CUX2: variants seen among roughly 807,000 people sequenced by gnomAD.
CUX2 encodes homeobox protein cut-like 2.
A neutral mutation model predicts 144.8 loss-of-function variants in CUX2; 40 were observed. The ratio of observed to expected loss-of-function variants is 0.28; its 90% confidence interval spans 0.21 to 0.36. The LOEUF is 0.36. Among genes scored for constraint, CUX2 ranks in the 10% least tolerant of loss-of-function variants. CUX2 has a pLI of 1.00. For synonymous variants in CUX2, 827 were observed against 875.6 expected (o/e 0.94, Z 0.98); for missense variants, 1,615 against 1,994.0 (o/e 0.81, Z 3.62).
intron 1 of CUX2, among the ~76,000 whole-genome samples, chr12:111,163,965 T>TTG (rs1877955723): frequency 6.6e-6 from 1 of 152,170 alleles, no homozygotes; most frequent in Non-Finnish European, 1.5e-5. Context: ...GCAGGTGACT[T>TTG]TGTCTCCATG....
chr12:111,219,278 A>G (rs1023481037), intron 3 of CUX2, among the ~76,000 whole-genome samples: 2 of 151,842 alleles, frequency 1.3e-5, no homozygotes, highest in African/African-American at 4.8e-5. Context: ...GCCATCCAGT[A>G]TTGGTTCATT....
intron 4 of CUX2, among the ~76,000 whole-genome samples, chr12:111,271,478 G>A (rs1160461053): frequency 6.6e-6 from 1 of 152,092 alleles, no homozygotes. Flanking sequence ...CATTGTACAA[G>A]CCTAACAATC....
intron 3 of CUX2, among the ~76,000 whole-genome samples, chr12:111,237,837 C>G (rs58547660): frequency 0.014 from 2,144 of 152,284 alleles, 45 homozygotes; most frequent in African/African-American, 0.048. Flanking sequence ...CTGCTCTTCC[C>G]CTGCCCCCGT....
At chr12:111,103,702 C>G (rs1156977832) in intron 1 of CUX2, among the ~76,000 whole-genome samples, 1 of 152,210 alleles carries the variant, frequency 6.6e-6, no homozygotes, top group Non-Finnish European at 1.5e-5. Flanking sequence ...CTGAGAGAAA[C>G]TTATCTGGAG....
At chr12:111,182,215 C>T (rs540009597) in intron 1 of CUX2, among the ~76,000 whole-genome samples, 2 of 152,242 alleles carry the variant, frequency 1.3e-5, no homozygotes, top group South Asian at 2.1e-4. Context: ...GAGACATGCC[C>T]CCATCCTAGG....
chr12:111,322,457 C>T lies in CUX2; in HGVS notation c.2803C>T (p.Leu935=). The part of the protein sequence containing the change: ...GLSQGSVSDM[L]SRPKPWSKLT... ...GTCACAGGGCAGCGTGAGCGACATG[C>T]TGTCCCGGCCGAAGCCATGGAGCAA... Residue 935 remains leucine (L), a synonymous_variant, in exon 18 of 22, where the codon CTG becomes TTG. Transcript: ENST00000261726. This position sits in a 1 kb window ranked among gnomAD's most constrained non-coding sequence, Gnocchi z 4.2. 1.3e-6 allele frequency: 2 copies of T among 1,577,370 alleles called. No homozygotes were observed. Among genetic ancestry groups the T allele is most frequent in the African/African-American group, 1.3e-5 (1 of 74,446 alleles).
At chr12:111,145,748 T>C (rs1876625769) in intron 1 of CUX2, among the ~76,000 whole-genome samples, 2 of 151,848 alleles carry the variant, frequency 1.3e-5, no homozygotes, top group African/African-American at 4.8e-5. Flanking sequence ...CTCTCTGCAG[T>C]CTCTGCCTCC....
chr12:111,192,259 T>G (rs993576128), intron 1 of CUX2, among the ~76,000 whole-genome samples: 3 of 152,074 alleles, frequency 2.0e-5, no homozygotes, highest in Non-Finnish European at 4.4e-5. Context: ...CCTGAGTAGC[T>G]AGGACTACAA....
intron 1 of CUX2, among the ~76,000 whole-genome samples, chr12:111,204,804 T>G (rs1324773325): frequency 6.6e-6 from 1 of 152,188 alleles, no homozygotes; most frequent in Non-Finnish European, 1.5e-5. Flanking sequence ...CAGCCCTCTA[T>G]GGGGCAGTTG....
At position 111,059,355 on chromosome 12, in the gene CUX2, C is replaced by T. The variant is rs970846260; in HGVS notation, c.63+25115C>T. ...ACGGAGCAAACTGGGTAGAAATAACCATATCGCCCAAATGTTCTTGATAAG... is the reference window on the plus strand; with the variant it reads ...ACGGAGCAAACTGGGTAGAAATAACTATATCGCCCAAATGTTCTTGATAAG... On this transcript the variant is annotated intron_variant, in intron 1 of 21. Coordinates refer to ENST00000261726, the MANE Select transcript of CUX2 (RefSeq NM_015267.4). The surrounding 1 kb of genome is among the most constrained non-coding windows in gnomAD (Gnocchi z 5.3). Among the ~76,000 whole-genome samples the T allele has an allele frequency of 3.3e-5, 5 of 152,192 alleles. No individual in the cohort carries two copies. Among genetic ancestry groups the T allele is most frequent in the African/African-American group, 1.2e-4 (5 of 41,432 alleles).
chr12:111,173,797 T>C (rs1366785573), intron 1 of CUX2, among the ~76,000 whole-genome samples: 2 of 151,860 alleles, frequency 1.3e-5, no homozygotes, highest in African/African-American at 2.4e-5. Flanking sequence ...ACCCTCAGAG[T>C]TTCTGATTCA....
chr12:111,263,855 G>T lies in CUX2; in HGVS notation c.301+16G>T, dbSNP rs376360353. 2.1e-5 allele frequency: 33 copies of T among 1,606,866 alleles called. No homozygotes were observed. The highest frequency in any genetic ancestry group is 4.3e-6 in the Non-Finnish European group (5 of 1,173,596). On this transcript the variant is annotated intron_variant, in intron 4 of 21. Coordinates refer to ENST00000261726, the MANE Select transcript of CUX2 (RefSeq NM_015267.4). This position sits in a 1 kb window ranked among gnomAD's most constrained non-coding sequence, Gnocchi z 4.0. Reference sequence around the variant, plus strand: ...GAAGCACCAGGTAAGAAATGCTTGGGCTCCGTAATTGAATAGTTAACGACA... The same window carrying T: ...GAAGCACCAGGTAAGAAATGCTTGGTCTCCGTAATTGAATAGTTAACGACA...
At chr12:111,308,621 C>T in intron 14 of CUX2, 95 bp downstream of exon 14, 1 of 1,041,042 alleles carries the variant, frequency 9.6e-7, no homozygotes, top group Non-Finnish European at 1.4e-6. Flanking sequence ...GCCTTCCATG[C>T]AGGCAGGAGA....
At chr12:111,212,910 G>T (rs954422859) in intron 1 of CUX2, among the ~76,000 whole-genome samples, 20 of 152,190 alleles carry the variant, frequency 1.3e-4, no homozygotes, top group African/African-American at 2.2e-4. Flanking sequence ...AAAAGAATTT[G>T]CAGTGGGTTA....
intron 1 of CUX2, among the ~76,000 whole-genome samples, chr12:111,108,673 CCT>C (rs1341639697): frequency 6.6e-6 from 1 of 151,718 alleles, no homozygotes; most frequent in South Asian, 2.1e-4. Context: ...CCCCATCTCC[CCT>C]CTCTGTCTCC....
At chr12:111,067,828 C>A in intron 1 of CUX2, among the ~76,000 whole-genome samples, 1 of 152,164 alleles carries the variant, frequency 6.6e-6, no homozygotes, top group East Asian at 1.9e-4. Flanking sequence ...GGCAGAACTC[C>A]ACCACCCTTG....
chr12:111,075,428 C>T (rs1871479160), intron 1 of CUX2, among the ~76,000 whole-genome samples: 1 of 152,082 alleles, frequency 6.6e-6, no homozygotes, highest in Admixed American at 6.5e-5. Context: ...TGGCCTCTCT[C>T]TGGTCTCCTG....
intron 1 of CUX2, among the ~76,000 whole-genome samples, chr12:111,142,652 T>C (rs1356126176): frequency 6.6e-6 from 1 of 152,208 alleles, no homozygotes; most frequent in Non-Finnish European, 1.5e-5. Flanking sequence ...TTCCTTTTGT[T>C]AACAGCAAAA....
intron 1 of CUX2, among the ~76,000 whole-genome samples, chr12:111,076,852 T>TA (rs547512636): frequency 1.7e-4 from 26 of 151,728 alleles, no homozygotes; most frequent in African/African-American, 2.7e-4. Flanking sequence ...TGTGTGTCCT[T>TA]AAAAAAAAAT....
Sources: allele counts gnomAD v4.1 joint callset (sites outside exome capture counted in the v4.1 genomes callset), GRCh38; gene constraint gnomAD v4.1.1; non-coding constraint Gnocchi (gnomAD v3.1); transcripts MANE v1.5; gene names NCBI Gene and HGNC (gene_info 2026-07-23, HGNC 2026-07-21).